The following PAPPA2 variants were observed in gnomAD, a reference collection of about 807,000 sequenced individuals.
PAPPA2 encodes pappalysin 2.
A neutral mutation model predicts 176.4 loss-of-function variants in PAPPA2; 86 were observed. That is an observed-to-expected ratio of 0.49 (90% CI 0.41 to 0.58). The LOEUF (loss-of-function observed/expected upper bound fraction) is 0.58, where lower values mean the gene tolerates loss of function less well. PAPPA2 is among the 20% of genes least tolerant of loss of function. The probability of loss-of-function intolerance (pLI) is 0.00; values close to 1 mark genes in which losing one functional copy is unlikely to be tolerated. For synonymous variants in PAPPA2, 809 were observed against 852.2 expected (o/e 0.95, Z 0.88); for missense variants, 2,073 against 2,256.9 (o/e 0.92, Z 1.65).
intron 2 of PAPPA2, among the ~76,000 whole-genome samples, chr1:176,561,588 C>G (rs1442727825): frequency 1.3e-5 from 2 of 152,028 alleles, no homozygotes; most frequent in Non-Finnish European, 2.9e-5. Context: ...CCAAAGGGCT[C>G]ATTTATTTTA....
In PAPPA2 at chr1:176,591,193, T is replaced by C. The variant is rs1213177858; in HGVS notation, c.920-3331T>C. ...TAAAGGCAGGTTCTGAGGACTCTTA[T>C]AATGAATATTACTGGGTAAACTGGC... On this transcript the variant is annotated intron_variant, in intron 2 of 22. Transcript: ENST00000367662. Among the ~76,000 whole-genome samples, 3 of 152,022 alleles carry C rather than the reference T, an allele frequency of 2.0e-5. No individual in the cohort carries two copies. The East Asian group carries it at 5.8e-4, about 29-fold the overall frequency.
intron 1 of PAPPA2, among the ~76,000 whole-genome samples, chr1:176,520,732 C>T (rs1435799847): frequency 1.3e-5 from 2 of 152,048 alleles, no homozygotes; most frequent in Non-Finnish European, 2.9e-5. Flanking sequence ...AAGAAGACTG[C>T]TTGGTGGGGA....
chr1:176,818,273 A>C (rs949201157), intron 21 of PAPPA2, among the ~76,000 whole-genome samples: 1 of 152,200 alleles, frequency 6.6e-6, no homozygotes, highest in Admixed American at 6.5e-5. Context: ...CTAAAGATAA[A>C]GAGAAGATAT....
intron 3 of PAPPA2, among the ~76,000 whole-genome samples, chr1:176,607,572 G>A (rs1035657135): frequency 5.3e-5 from 8 of 152,070 alleles, no homozygotes; most frequent in Admixed American, 2.6e-4. Flanking sequence ...TTATTCCATC[G>A]TGTATATATA....
At chr1:176,526,184 G>T (rs929248243) in intron 1 of PAPPA2, among the ~76,000 whole-genome samples, 13 of 152,332 alleles carry the variant, frequency 8.5e-5, no homozygotes, top group East Asian at 1.9e-4. Flanking sequence ...TGGATAGAGT[G>T]TTCCAAGAGT....
At chr1:176,809,883 G>A (rs1204777471) in intron 21 of PAPPA2, among the ~76,000 whole-genome samples, 3 of 151,346 alleles carry the variant, frequency 2.0e-5, no homozygotes, top group Non-Finnish European at 4.4e-5. Flanking sequence ...GCATCATGTC[G>A]GACCCTTTCA....
At chr1:176,835,680 C>T (rs558287897) in intron 21 of PAPPA2, among the ~76,000 whole-genome samples, 59 of 152,246 alleles carry the variant, frequency 3.9e-4, no homozygotes, top group East Asian at 1.7e-3. Flanking sequence ...CCACCACGCC[C>T]GGCTAGTTTT....
intron 3 of PAPPA2, among the ~76,000 whole-genome samples, chr1:176,655,108 T>G (rs1341531646): frequency 1.3e-5 from 2 of 151,874 alleles, no homozygotes; most frequent in Non-Finnish European, 2.9e-5. Flanking sequence ...AGTACTATGT[T>G]TGAACAGGAA....
At chr1:176,577,717 C>G (rs978132103) in intron 2 of PAPPA2, among the ~76,000 whole-genome samples, 1 of 151,828 alleles carries the variant, frequency 6.6e-6, no homozygotes, top group Non-Finnish European at 1.5e-5. Flanking sequence ...TCTGGGGGGT[C>G]GGGGTGTTGG....
chr1:176,704,814 C>T (rs1052858978), intron 9 of PAPPA2, among the ~76,000 whole-genome samples: 1 of 151,784 alleles, frequency 6.6e-6, no homozygotes, highest in Admixed American at 6.6e-5. Flanking sequence ...ATGTAACATG[C>T]CTCATTTTAT....
At chr1:176,687,654 G>T (rs987430932) in intron 4 of PAPPA2, among the ~76,000 whole-genome samples, 15 of 152,134 alleles carry the variant, frequency 9.9e-5, no homozygotes, top group African/African-American at 3.6e-4. Context: ...ATCACAAAAG[G>T]ACCTGGGCCT....
intron 7 of PAPPA2, among the ~76,000 whole-genome samples, chr1:176,698,018 TTTTTGAAA>T (rs1464970929): frequency 6.6e-6 from 1 of 152,122 alleles, no homozygotes; most frequent in African/African-American, 2.4e-5. Flanking sequence ...CACACACATA[TTTTTGAAA>T]TTAATAATAT....
intron 10 of PAPPA2, among the ~76,000 whole-genome samples, chr1:176,709,581 C>A (rs1032253993): frequency 6.6e-6 from 1 of 152,096 alleles, no homozygotes; most frequent in Non-Finnish European, 1.5e-5. Context: ...ATATGTAATA[C>A]CTGATAGGAT....
At chr1:176,542,697 A>G (rs1022083512) in intron 1 of PAPPA2, among the ~76,000 whole-genome samples, 1 of 152,144 alleles carries the variant, frequency 6.6e-6, no homozygotes, top group East Asian at 1.9e-4. Flanking sequence ...ACGGGCTCAG[A>G]CTGCCTTGGT....
chr1:176,701,124 G>T (rs773073185), intron 8 of PAPPA2, among the ~76,000 whole-genome samples: 1 of 151,796 alleles, frequency 6.6e-6, no homozygotes, highest in South Asian at 2.1e-4. Context: ...AAAATCTGAG[G>T]CTTAACTTTG....
At chr1:176,704,236 G>A (rs188692276) in intron 9 of PAPPA2, among the ~76,000 whole-genome samples, 31 of 152,246 alleles carry the variant, frequency 2.0e-4, no homozygotes, top group African/African-American at 7.2e-4. Context: ...ACTGGGTCTC[G>A]CAAGGTTACT....
chr1:176,501,124 A>C (rs77009658), intron 1 of PAPPA2, among the ~76,000 whole-genome samples: 2,739 of 149,896 alleles, frequency 0.018, 81 homozygotes, highest in African/African-American at 0.063. Context: ...ATACAATTAT[A>C]TGAAAGAAAT....
intron 14 of PAPPA2, among the ~76,000 whole-genome samples, chr1:176,760,183 GA>G (rs562416391): frequency 2.3e-3 from 354 of 152,248 alleles, no homozygotes; most frequent in African/African-American, 8.2e-3. Context: ...AAATAGCCAT[GA>G]ATTTATAATC....
At chr1:176,726,942 G>A (rs1661905725) in intron 12 of PAPPA2, among the ~76,000 whole-genome samples, 1 of 152,178 alleles carries the variant, frequency 6.6e-6, no homozygotes, top group South Asian at 2.1e-4. Context: ...AAAGGACAAG[G>A]CGGTTCAAAG....
Sources: gnomAD v4.1 joint callset for allele counts (sites outside exome capture counted in the v4.1 genomes callset) on GRCh38, gnomAD v4.1.1 for gene constraint, MANE v1.5 for transcripts, NCBI Gene and HGNC (gene_info 2026-07-23, HGNC 2026-07-21) for gene names.